Variants in MC1R observed in about 807,000 individuals in gnomAD.
The protein encoded by MC1R is melanocyte-stimulating hormone receptor.
For synonymous variants in MC1R, 263 were observed against 203.8 expected, an observed-to-expected ratio of 1.29 and a Z score of -2.47; for missense variants, 542 against 430.0, an observed-to-expected ratio of 1.26 and a Z score of -2.30.
At position 89,919,362 on chromosome 16, in the gene MC1R, G is replaced by T. The variant is rs779504604; in HGVS notation, c.104G>T (p.Cys35Phe). 4.3e-6 allele frequency: 7 copies of T among 1,613,076 alleles called. No homozygotes were observed. Among genetic ancestry groups the T allele is most frequent in the Admixed American group, 3.3e-5 (2 of 59,982 alleles). The change falls in exon 1 of 1, where the codon TGC becomes TTC. Residue 35 changes from cysteine to phenylalanine, a missense_variant. Cys to Phe is a radical substitution (Grantham distance 205, BLOSUM62 -2). Transcript: ENST00000555147. The part of the protein sequence containing the change: ...GLAANQTGAR[C>F]LEVSISDGLF... ...GCTGCCAACCAGACAGGAGCCCGGT[G>T]CCTGGAGGTGTCCATCTCTGACGGG...
chr16:89,920,466 C>T lies in MC1R; in HGVS notation c.*254C>T, dbSNP rs536644599. On this transcript the variant is annotated 3_prime_UTR_variant, in exon 1 of 1. Transcript: ENST00000555147. ...GGAGGACATGGGGAGGTTGTGGGGC[C>T]TCAGGCTCCGGGCACCAGGGGCCAA... 1 of 617,140 alleles carries T rather than the reference C, an allele frequency of 1.6e-6. No homozygotes were observed. The highest frequency in any genetic ancestry group is 2.9e-6 in the Non-Finnish European group (1 of 339,470). The allele number at this position is 617,140 out of a possible 1,614,324, so 38.2% of individuals were successfully genotyped here. A position where few individuals can be genotyped will look rare whatever the true frequency, so the allele number is the denominator to read the frequency against.
rs1362732149 is a variant in MC1R, at chr16:89,919,630, C to T, written c.372C>T (p.Thr124=). Residue 124 remains threonine, a synonymous_variant, in exon 1 of 1, where the codon ACC becomes ACT. Transcript: ENST00000555147. ...QQLDNVIDVI[T]CSSMLSSLCF... ...TGGACAATGTCATTGACGTGATCAC[C>T]TGCAGCTCCATGCTGTCCAGCCTCT... The T allele has an allele frequency of 1.9e-6, 3 of 1,607,286 alleles. No individual in the cohort carries two copies. Among genetic ancestry groups the T allele is most frequent in the East Asian group, 2.2e-5 (1 of 44,880 alleles).
rs768640835 is a variant in MC1R, at chr16:89,919,309, C to G, written c.51C>G (p.Thr17=). The G allele has an allele frequency of 1.2e-6, 2 of 1,610,324 alleles. No individual in the cohort carries two copies. Among genetic ancestry groups the G allele is most frequent in the Non-Finnish European group, 1.7e-6 (2 of 1,178,564 alleles). Residue 17 remains threonine, a synonymous_variant, in exon 1 of 1, where the codon ACC becomes ACG. Transcript: ENST00000555147. ...GACTTCTGGGCTCCCTCAACTCCAC[C>G]CCCACAGCCATCCCCCAGCTGGGGC... ...QRRLLGSLNS[T]PTAIPQLGLA...
At position 89,920,418 on chromosome 16, in the gene MC1R, C is replaced by A; in HGVS notation, c.*206C>A. The stretch of plus-strand genomic sequence containing the variant: ...CTGCAAAACTCCAGGCAGGACTTCT[C>A]ACCAGCAGTCGTGGGGAACGGAGGA... On this transcript the variant is annotated 3_prime_UTR_variant, in exon 1 of 1. Coordinates refer to ENST00000555147, the MANE Select transcript of MC1R (RefSeq NM_002386.4). The A allele has an allele frequency of 1.6e-6, 1 of 622,556 alleles. No homozygotes were observed. The allele number at this position is 622,556 out of a possible 1,614,324, so 38.6% of individuals were successfully genotyped here. A position where few individuals can be genotyped will look rare whatever the true frequency, so the allele number is the denominator to read the frequency against.
In MC1R at chr16:89,919,867, G is replaced by T. The variant is rs1393877969; in HGVS notation, c.609G>T (p.Met203Ile). The stretch of plus-strand genomic sequence containing the variant: ...TCTTCCTGGCTATGCTGGTGCTCAT[G>T]GCCGTGCTGTACGTCCACATGCTGG... ...VVFFLAMLVL[M>I]AVLYVHMLAR... The change falls in exon 1 of 1, where the codon ATG becomes ATT. Residue 203 changes from methionine to isoleucine, a missense_variant. Physicochemically the swap from Met to Ile is conservative, Grantham distance 10. Transcript: ENST00000555147. 1 of 1,606,166 alleles carries T rather than the reference G, an allele frequency of 6.2e-7. No homozygotes were observed. The highest frequency in any genetic ancestry group is 1.1e-5 in the South Asian group (1 of 91,062).
rs2144393118 is a variant in MC1R at position 89,920,060 on chromosome 16, C to G, written c.802C>G (p.Pro268Ala). 1 of 1,613,882 alleles carries G rather than the reference C, an allele frequency of 6.2e-7. No individual in the cohort carries two copies. The highest frequency in any genetic ancestry group is 8.5e-7 in the Non-Finnish European group (1 of 1,179,900). The change falls in exon 1 of 1, where the codon CCC (proline) becomes GCC (alanine). Residue 268 changes from proline to alanine, a missense_variant. By Grantham distance (27) the Pro-to-Ala change is conservative. Coordinates refer to ENST00000555147, the MANE Select transcript of MC1R (RefSeq NM_002386.4). ...FLHLTLIVLC[P>A]EHPTCGCIFK... ...GCATCTCACACTCATCGTCCTCTGC[C>G]CCGAGCACCCCACGTGCGGCTGCAT...
At position 89,920,919 on chromosome 16, in the gene MC1R, C is replaced by T. The variant is rs1001699603; in HGVS notation, c.*707C>T. ...AAATGCCTGACTCAGTGACCAGTGC[C>T]TGTGAGCATGGGGCCAGGAAAGTCT... On this transcript the variant is annotated 3_prime_UTR_variant, in exon 1 of 1. Transcript: ENST00000555147. The T allele has an allele frequency of 3.5e-6, 2 of 574,866 alleles. No homozygotes were observed. Among genetic ancestry groups the T allele is most frequent in the African/African-American group, 3.8e-5 (2 of 52,444 alleles). The allele number at this position is 574,866 out of a possible 1,614,324, so 35.6% of individuals were successfully genotyped here.
At position 89,918,976 on chromosome 16, in the gene MC1R, G is replaced by A; in HGVS notation, c.-283G>A. On this transcript the variant is annotated 5_prime_UTR_variant, in exon 1 of 1. Coordinates refer to ENST00000555147, the MANE Select transcript of MC1R (RefSeq NM_002386.4). ...CCTGAGCAGCAGCCACCAGGGAAGA[G>A]GCAGGGAGGGAGCTGAGGACCAGGC... 2.0e-6 allele frequency: 1 copy of A among 493,542 alleles called. No individual in the cohort carries two copies. The highest frequency in any genetic ancestry group is 3.3e-5 in the East Asian group (1 of 30,334). The allele number at this position is 493,542 out of a possible 1,614,324, so 30.6% of individuals were successfully genotyped here.
In MC1R at chr16:89,919,808, G is replaced by T. The variant is rs530102853; in HGVS notation, c.550G>T (p.Asp184Tyr). The T allele has an allele frequency of 3.1e-6, 5 of 1,607,470 alleles. No homozygotes were observed. In the South Asian group the frequency reaches 5.5e-5, roughly 18 times the overall value. The change falls in exon 1 of 1, where the codon GAC becomes TAC. Residue 184 changes from aspartate to tyrosine, a missense_variant. Physicochemically the swap from Asp to Tyr is radical, Grantham distance 160. Coordinates refer to ENST00000555147, the MANE Select transcript of MC1R (RefSeq NM_002386.4). ...CAGCACGCTCTTCATCGCCTACTACGACCACGTGGCCGTCCTGCTGTGCCT... is the reference window on the plus strand; with the variant it reads ...CAGCACGCTCTTCATCGCCTACTACTACCACGTGGCCGTCCTGCTGTGCCT... Reference protein sequence around the residue: ...VFSTLFIAYYDHVAVLLCLVV... With the variant: ...VFSTLFIAYYYHVAVLLCLVV...
chr16:89,919,814 G>A lies in MC1R; in HGVS notation c.556G>A (p.Val186Met), dbSNP rs773260532. ...STLFIAYYDHVAVLLCLVVFF... is the reference protein window; with the variant it reads ...STLFIAYYDHMAVLLCLVVFF... ...GCTCTTCATCGCCTACTACGACCAC[G>A]TGGCCGTCCTGCTGTGCCTCGTGGT... The change falls in exon 1 of 1, where the codon GTG (valine) becomes ATG (methionine). Residue 186 changes from valine (V) to methionine (M), a missense_variant. Physicochemically the swap from Val to Met is conservative, Grantham distance 21. Transcript: ENST00000555147. The A allele has an allele frequency of 1.1e-5, 17 of 1,607,430 alleles. No individual in the cohort carries two copies. The highest frequency in any genetic ancestry group is 5.3e-5 in the African/African-American group (4 of 74,932).
Position 89,919,548 on chromosome 16 carries a change from T to C in MC1R, c.290T>C (p.Val97Ala), listed in dbSNP as rs1301887551. The change falls in exon 1 of 1, where the codon GTC (valine) becomes GCC (alanine). Residue 97 changes from valine to alanine, a missense_variant. Transcript: ENST00000555147. ...GGGAGCAACGTGCTGGAGACGGCCG[T>C]CATCCTCCTGCTGGAGGCCGGTGCA... is the stretch of plus-strand genomic sequence containing the variant. Reference protein sequence around the residue: ...VSGSNVLETAVILLLEAGALV... With the variant: ...VSGSNVLETAAILLLEAGALV... 1.9e-6 allele frequency: 3 copies of C among 1,612,462 alleles called. No individual in the cohort carries two copies. The highest frequency in any genetic ancestry group is 1.7e-6 in the Non-Finnish European group (2 of 1,179,736).
rs2045687509 is a variant in MC1R, at chr16:89,919,215, C to G, written c.-44C>G. The G allele has an allele frequency of 7.4e-7, 1 of 1,355,346 alleles. No individual in the cohort carries two copies. Among genetic ancestry groups the G allele is most frequent in the African/African-American group, 1.5e-5 (1 of 68,474 alleles). The allele number at this position is 1,355,346 out of a possible 1,614,324, so 84.0% of individuals were successfully genotyped here. A position where few individuals can be genotyped will look rare whatever the true frequency, so the allele number is the denominator to read the frequency against. Reference sequence around the variant, plus strand: ...ACCTGGAGGGGAAGAACTGTGGGGACCTGGAGGCCTCCAACGACTCCTTCC... The same window carrying G: ...ACCTGGAGGGGAAGAACTGTGGGGAGCTGGAGGCCTCCAACGACTCCTTCC... On this transcript the variant is annotated 5_prime_UTR_variant, in exon 1 of 1. Coordinates refer to ENST00000555147, the MANE Select transcript of MC1R (RefSeq NM_002386.4).
In MC1R at chr16:89,919,704, C is replaced by T. The variant is rs1188205113; in HGVS notation, c.446C>T (p.Ala149Val). The change falls in exon 1 of 1, where the codon GCA becomes GTA. Residue 149 changes from alanine (A) to valine (V), a missense_variant. Transcript: ENST00000555147. ...AVDRYISIFY[A>V]LRYHSIVTLP... ...GACCGCTACATCTCCATCTTCTACG[C>T]ACTGCGCTACCACAGCATCGTGACC... is the stretch of plus-strand genomic sequence containing the variant. 2 of 1,606,274 alleles carry T rather than the reference C, an allele frequency of 1.2e-6. No individual in the cohort carries two copies. Among genetic ancestry groups the T allele is most frequent in the African/African-American group, 1.3e-5 (1 of 74,946 alleles).
Position 89,919,177 on chromosome 16 carries a change from A to T in MC1R, c.-82A>T. The T allele has an allele frequency of 9.9e-7, 1 of 1,006,470 alleles. No individual in the cohort carries two copies. The highest frequency in any genetic ancestry group is 2.6e-5 in the East Asian group (1 of 37,980). 62.3% of individuals were successfully genotyped at this position (1,006,470 alleles called of 1,614,324 possible). The stretch of plus-strand genomic sequence containing the variant: ...CCCAAGGCCCCCTGGCAGCACCATG[A>T]ACTAAGCAGGACACCTGGAGGGGAA... On this transcript the variant is annotated 5_prime_UTR_variant, in exon 1 of 1. The change abolishes the stop of an existing upstream ORF in the 5' untranslated region. Transcript: ENST00000555147.
rs2045716360 is a variant in MC1R, at chr16:89,920,849, T to G, written c.*637T>G. 1 of 600,120 alleles carries G rather than the reference T, an allele frequency of 1.7e-6. No individual in the cohort carries two copies. The highest frequency in any genetic ancestry group is 2.9e-5 in the East Asian group (1 of 34,706). The allele number at this position is 600,120 out of a possible 1,614,324, so 37.2% of individuals were successfully genotyped here. A position where few individuals can be genotyped will look rare whatever the true frequency, so the allele number is the denominator to read the frequency against. ...AAGGCTCAGACTGGGCACTGGGGCC[T>G]CAGCCTGCTTTCCTGCAGCAGTCGC... On this transcript the variant is annotated 3_prime_UTR_variant, in exon 1 of 1. Coordinates refer to ENST00000555147, the MANE Select transcript of MC1R (RefSeq NM_002386.4).
chr16:89,919,715 C>T lies in MC1R; in HGVS notation c.457C>T (p.His153Tyr). Residue 153 changes from histidine to tyrosine, a missense_variant, in exon 1 of 1, where the codon CAC becomes TAC. Physicochemically the swap from His to Tyr is moderately conservative, Grantham distance 83. Transcript: ENST00000555147. ...CTCCATCTTCTACGCACTGCGCTAC[C>T]ACAGCATCGTGACCCTGCCGCGGGC... is the stretch of plus-strand genomic sequence containing the variant. ...YISIFYALRY[H>Y]SIVTLPRARR... is the part of the protein sequence containing the mutation. The T allele has an allele frequency of 6.2e-7, 1 of 1,606,422 alleles. No individual in the cohort carries two copies. The highest frequency in any genetic ancestry group is 8.5e-7 in the Non-Finnish European group (1 of 1,179,804).
In MC1R at chr16:89,918,909, C is replaced by T; in HGVS notation, c.-350C>T. ...AGCCCTGGCCCAGGAAGGCAGGAGACAGAGGCCAGGACGGTCCAGAGGTGT... is the reference window on the plus strand; with the variant it reads ...AGCCCTGGCCCAGGAAGGCAGGAGATAGAGGCCAGGACGGTCCAGAGGTGT... On this transcript the variant is annotated 5_prime_UTR_variant, in exon 1 of 1. Transcript: ENST00000555147. 3.4e-6 allele frequency: 1 copy of T among 296,958 alleles called. No homozygotes were observed. Among genetic ancestry groups the T allele is most frequent in the South Asian group, 1.1e-4 (1 of 8,952 alleles). 18.4% of individuals were successfully genotyped at this position (296,958 alleles called of 1,614,324 possible). A position where few individuals can be genotyped will look rare whatever the true frequency, so the allele number is the denominator to read the frequency against.
chr16:89,919,650 G>A lies in MC1R; in HGVS notation c.392G>A (p.Ser131Asn), dbSNP rs370094672. ...DVITCSSMLSSLCFLGAIAVD... is the reference protein window; with the variant it reads ...DVITCSSMLSNLCFLGAIAVD... ...ATCACCTGCAGCTCCATGCTGTCCAGCCTCTGCTTCCTGGGCGCCATCGCC... is the reference window on the plus strand; with the variant it reads ...ATCACCTGCAGCTCCATGCTGTCCAACCTCTGCTTCCTGGGCGCCATCGCC... The change falls in exon 1 of 1, where the codon AGC (serine) becomes AAC (asparagine). Residue 131 changes from serine to asparagine, a missense_variant. By Grantham distance (46) the Ser-to-Asn change is conservative. Transcript: ENST00000555147. The A allele has an allele frequency of 1.2e-4, 193 of 1,606,716 alleles. No individual in the cohort carries two copies. The highest frequency in any genetic ancestry group is 1.6e-4 in the Non-Finnish European group (186 of 1,179,606).
In MC1R at chr16:89,920,368, C is replaced by T. The variant is rs901231418; in HGVS notation, c.*156C>T. On this transcript the variant is annotated 3_prime_UTR_variant, in exon 1 of 1. Coordinates refer to ENST00000555147, the MANE Select transcript of MC1R (RefSeq NM_002386.4). The stretch of plus-strand genomic sequence containing the variant: ...ATCTCTGAAAGTGTTGAAGCGCGGA[C>T]CCTTCTGGGTCCAGGGAGGGGTCCC... 1.3e-5 allele frequency: 9 copies of T among 688,742 alleles called. No homozygotes were observed. Among genetic ancestry groups the T allele is most frequent in the Non-Finnish European group, 2.3e-5 (9 of 399,042 alleles). 42.7% of individuals were successfully genotyped at this position (688,742 alleles called of 1,614,324 possible). A position where few individuals can be genotyped will look rare whatever the true frequency, so the allele number is the denominator to read the frequency against.
Sources: allele counts gnomAD v4.1 joint callset, GRCh38; gene constraint gnomAD v4.1.1; transcripts MANE v1.5; gene names NCBI Gene and HGNC (gene_info 2026-07-23, HGNC 2026-07-21).